XKR4: variants seen among roughly 807,000 people sequenced by gnomAD.
XKR4 encodes the protein XK-related protein 4.
In XKR4, 12 loss-of-function variants were observed where a neutral mutation model predicts 53.9. The observed-to-expected ratio is 0.22, with a 90% confidence interval of 0.14 to 0.36. XKR4 has a LOEUF of 0.36. XKR4 is among the 10% of genes least tolerant of loss of function. The pLI is 1.00. For missense variants in XKR4, 799 were observed against 859.5 expected (o/e 0.93, Z 0.88); for synonymous variants, 354 against 362.4 (o/e 0.98, Z 0.26).
intron 1 of XKR4, among the ~76,000 whole-genome samples, chr8:55,221,828 C>G (rs1048516269): frequency 1.3e-5 from 2 of 152,124 alleles, no homozygotes; most frequent in Non-Finnish European, 2.9e-5. Context: ...TTGGGTGACA[C>G]CAATGGTTGG....
intron 2 of XKR4, chr8:55,450,888 G>A (rs895076380): frequency 6.3e-6 from 3 of 472,796 alleles, no homozygotes; most frequent in East Asian, 5.3e-5. Flanking sequence ...TCCCAGCACC[G>A]ACACCTGCAG....
intron 1 of XKR4, among the ~76,000 whole-genome samples, chr8:55,113,799 C>T (rs1040595599): frequency 6.6e-6 from 1 of 152,268 alleles, no homozygotes; most frequent in Admixed American, 6.5e-5. Flanking sequence ...CATTGTTTAG[C>T]TCCTACTTAG....
intron 1 of XKR4, among the ~76,000 whole-genome samples, chr8:55,152,476 A>G (rs1816851752): frequency 7.8e-6 from 1 of 128,466 alleles, no homozygotes; most frequent in Non-Finnish European, 1.6e-5. Context: ...TGCACAGGTT[A>G]TGAAAATTTT....
chr8:55,167,637 A>ATATAACCACT (rs1817088383), intron 1 of XKR4, among the ~76,000 whole-genome samples: 1 of 152,230 alleles, frequency 6.6e-6, no homozygotes, highest in African/African-American at 2.4e-5. Flanking sequence ...ACTGAGATTC[A>ATATAACCACT]GTAGTTTATC....
rs950879460 is a variant in XKR4, at chr8:55,527,280, C to G, written c.*3053C>G. ...AATCTGCCATTAAACCCTCCGCAGA[C>G]AGTAACTGGAGAATCCCAAAGGAAA... On this transcript the variant is annotated 3_prime_UTR_variant, in exon 3 of 3. Coordinates refer to ENST00000327381, the MANE Select transcript of XKR4 (RefSeq NM_052898.2). 3.9e-5 allele frequency: 6 copies of G among 152,158 alleles called. No individual in the cohort carries two copies. Among genetic ancestry groups the G allele is most frequent in the African/African-American group, 9.7e-5 (4 of 41,426 alleles). 9.4% of individuals were successfully genotyped at this position (152,158 alleles called of 1,614,324 possible). A position where few individuals can be genotyped will look rare whatever the true frequency, so the allele number is the denominator to read the frequency against.
At chr8:55,301,693 T>A (rs970292876) in intron 1 of XKR4, among the ~76,000 whole-genome samples, 1 of 152,204 alleles carries the variant, frequency 6.6e-6, no homozygotes, top group Non-Finnish European at 1.5e-5. Flanking sequence ...CCATTCTAAC[T>A]GGTGTGAGAT....
rs61350823 is a variant in XKR4, at chr8:55,104,426, T to G, written c.806+1132T>G. ...GGACTACACTCTGTGGTACTGGTGCTCTTTTTCAATTTTATTTGTGGCTAT... is the reference window on the plus strand; with the variant it reads ...GGACTACACTCTGTGGTACTGGTGCGCTTTTTCAATTTTATTTGTGGCTAT... On this transcript the variant is annotated intron_variant, in intron 1 of 2. Coordinates refer to ENST00000327381, the MANE Select transcript of XKR4 (RefSeq NM_052898.2). Among the ~76,000 whole-genome samples the G allele has an allele frequency of 5.1e-3, 783 of 152,338 alleles. 10 individuals are homozygous for G. Among genetic ancestry groups the G allele is most frequent in the African/African-American group, 0.017 (714 of 41,584 alleles).
chr8:55,460,910 C>A (rs1191193017), intron 2 of XKR4, among the ~76,000 whole-genome samples: 1 of 152,228 alleles, frequency 6.6e-6, no homozygotes, highest in Non-Finnish European at 1.5e-5. Flanking sequence ...AATCAAACTG[C>A]AAGGTGGCAG....
intron 1 of XKR4, among the ~76,000 whole-genome samples, chr8:55,122,875 G>A (rs1816411334): frequency 6.6e-6 from 1 of 152,134 alleles, no homozygotes; most frequent in Admixed American, 6.5e-5. Context: ...CACATGGAGG[G>A]GGTCTTCCAG....
intron 1 of XKR4, among the ~76,000 whole-genome samples, chr8:55,271,206 T>C (rs970887143): frequency 2.0e-5 from 3 of 152,174 alleles, no homozygotes; most frequent in African/African-American, 7.2e-5. Context: ...AGGTCCTCTT[T>C]CAACGTGTGG....
chr8:55,306,413 T>A (rs897507657), intron 1 of XKR4, among the ~76,000 whole-genome samples: 12 of 152,216 alleles, frequency 7.9e-5, no homozygotes, highest in Admixed American at 5.9e-4. Context: ...TTTGTCCATT[T>A]TCATGCTGCT....
chr8:55,270,630 T>C (rs1818676571), intron 1 of XKR4, among the ~76,000 whole-genome samples: 1 of 152,250 alleles, frequency 6.6e-6, no homozygotes, highest in South Asian at 2.1e-4. Flanking sequence ...TTGATTCTAC[T>C]CCTCTGAGAG....
chr8:55,294,608 GA>G (rs1344268510), intron 1 of XKR4, among the ~76,000 whole-genome samples: 3 of 152,200 alleles, frequency 2.0e-5, no homozygotes, highest in Admixed American at 6.5e-5. Flanking sequence ...ATTAACTGCT[GA>G]CTCTTTGTTC....
At chr8:55,258,614 C>T (rs1464489848) in intron 1 of XKR4, among the ~76,000 whole-genome samples, 2 of 152,106 alleles carry the variant, frequency 1.3e-5, no homozygotes, top group African/African-American at 4.8e-5. Context: ...AGTCTGATGT[C>T]TGGTAATGGG....
chr8:55,125,477 G>A (rs542831091), intron 1 of XKR4, among the ~76,000 whole-genome samples: 1 of 152,086 alleles, frequency 6.6e-6, no homozygotes, highest in Non-Finnish European at 1.5e-5. Context: ...CAGGTGATCC[G>A]CCCGCCTTGG....
At chr8:55,142,838 T>C (rs1180391232) in intron 1 of XKR4, among the ~76,000 whole-genome samples, 1 of 152,178 alleles carries the variant, frequency 6.6e-6, no homozygotes, top group Admixed American at 6.5e-5. Context: ...GAAATGCAGC[T>C]CCAGGAGCAT....
intron 1 of XKR4, among the ~76,000 whole-genome samples, chr8:55,324,790 A>G (rs1803269787): frequency 6.6e-6 from 1 of 152,210 alleles, no homozygotes; most frequent in Non-Finnish European, 1.5e-5. Context: ...AGATATTAAG[A>G]GTCAGCACCA....
chr8:55,168,365 A>G (rs1817099442), intron 1 of XKR4, among the ~76,000 whole-genome samples: 1 of 152,190 alleles, frequency 6.6e-6, no homozygotes, highest in East Asian at 1.9e-4. Flanking sequence ...GAGTGAATCC[A>G]ATATCATCTG....
intron 1 of XKR4, among the ~76,000 whole-genome samples, chr8:55,268,640 AT>A (rs1818645156): frequency 6.6e-6 from 1 of 152,210 alleles, no homozygotes; most frequent in Non-Finnish European, 1.5e-5. Context: ...TAGGAAGACA[AT>A]TAATAATAAT....
Sources: gnomAD v4.1 joint callset for allele counts (sites outside exome capture counted in the v4.1 genomes callset) on GRCh38, gnomAD v4.1.1 for gene constraint, MANE v1.5 for transcripts, NCBI Gene and HGNC (gene_info 2026-07-23, HGNC 2026-07-21) for gene names.